Variants in B4GALT1 observed in about 807,000 individuals in gnomAD.
B4GALT1 encodes the protein beta-1,4-galactosyltransferase 1.
B4GALT1 carries 16 observed loss-of-function variants against 34.9 expected under a neutral mutation model. That is an observed-to-expected ratio of 0.46 (90% CI 0.31 to 0.70). The LOEUF is 0.70. Among genes scored for constraint, B4GALT1 ranks in the 30% least tolerant of loss-of-function variants. B4GALT1 has a pLI of 0.05. For missense variants in B4GALT1, 445 were observed against 530.5 expected, an observed-to-expected ratio of 0.84 and a Z score of 1.58; for synonymous variants, 221 against 218.1, an observed-to-expected ratio of 1.01 and a Z score of -0.12.
chr9:33,119,782 A>G (rs1432671435), intron 3 of B4GALT1, among the ~76,000 whole-genome samples: 1 of 152,114 alleles, frequency 6.6e-6, no homozygotes, highest in African/African-American at 2.4e-5. Flanking sequence ...TCAGTGGGGG[A>G]AAACTATTCC....
At chr9:33,107,337 A>C (rs772410220), downstream of B4GALT1, among the ~76,000 whole-genome samples, 50 of 152,172 alleles carry the variant, frequency 3.3e-4, no homozygotes, top group Non-Finnish European at 2.4e-4. Context: ...ACCTCCTGGA[A>C]GAAACAAGAG....
chr9:33,171,184 G>A (rs538324616), upstream of B4GALT1, among the ~76,000 whole-genome samples: 4 of 152,244 alleles, frequency 2.6e-5, no homozygotes, highest in South Asian at 2.1e-4. Context: ...ACAATTTCTC[G>A]CAGTTTTGCA....
At chr9:33,145,542 G>A (rs1432528616) in intron 1 of B4GALT1, among the ~76,000 whole-genome samples, 1 of 152,130 alleles carries the variant, frequency 6.6e-6, no homozygotes, top group East Asian at 1.9e-4. Flanking sequence ...GATCCACCTC[G>A]AATCAGACCC....
intron 2 of B4GALT1, among the ~76,000 whole-genome samples, chr9:33,131,446 G>A (rs1037646243): frequency 6.6e-6 from 1 of 152,168 alleles, no homozygotes; most frequent in African/African-American, 2.4e-5. Context: ...TGCTGTAAGC[G>A]GAAGGTTGTG....
intron 1 of B4GALT1, among the ~76,000 whole-genome samples, chr9:33,138,079 G>A (rs186929959): frequency 3.3e-5 from 5 of 152,342 alleles, no homozygotes; most frequent in East Asian, 1.9e-4. Flanking sequence ...CGACTTGCTC[G>A]TACCTTCTGA....
At chr9:33,160,197 C>A (rs1840654275) in intron 1 of B4GALT1, among the ~76,000 whole-genome samples, 1 of 152,162 alleles carries the variant, frequency 6.6e-6, no homozygotes, top group African/African-American at 2.4e-5. Context: ...TTAGAAAGCT[C>A]TCCTACAGAA....
chr9:33,172,198 GGTCTCCCTGGGCTGGCTCAA>G (rs1181010009), upstream of B4GALT1, among the ~76,000 whole-genome samples: 3 of 152,184 alleles, frequency 2.0e-5, no homozygotes, highest in Middle Eastern at 3.4e-3. Flanking sequence ...GGTGACTTTA[GGTCTCCCTGGGCTGGCTCAA>G]GTCTCCCTGG....
At chr9:33,152,316 T>C (rs549078663) in intron 1 of B4GALT1, among the ~76,000 whole-genome samples, 1 of 96,318 alleles carries the variant, frequency 1.0e-5, no homozygotes, top group Non-Finnish European at 2.1e-5. Flanking sequence ...AAAAATAACA[T>C]AACATAACAT....
chr9:33,177,986 C>CTT, the B4GALT1 span, among the ~76,000 whole-genome samples: 36,437 of 107,288 alleles, frequency 0.34, 7,089 homozygotes, highest in East Asian at 0.54. Context: ...AAACAGAAGA[C>CTT]TTTTTTTTTT....
chr9:33,157,080 A>G (rs1365139510), intron 1 of B4GALT1, among the ~76,000 whole-genome samples: 2 of 142,032 alleles, frequency 1.4e-5, no homozygotes, highest in Non-Finnish European at 3.0e-5. Context: ...ACACACACAC[A>G]CACACACACA....
chr9:33,128,402 CAG>C (rs1264033123), intron 2 of B4GALT1, among the ~76,000 whole-genome samples: 1 of 152,146 alleles, frequency 6.6e-6, no homozygotes, highest in Non-Finnish European at 1.5e-5. Flanking sequence ...TTCCTTGTCA[CAG>C]AGTCATGGGT....
In B4GALT1 at chr9:33,142,621, TTTC is replaced by T. The variant is rs777161116; in HGVS notation, c.413-7200_413-7198del. On this transcript the variant is annotated intron_variant, in intron 1 of 5. Coordinates refer to ENST00000379731, the MANE Select transcript of B4GALT1 (RefSeq NM_001497.4). The stretch of plus-strand genomic sequence containing the variant: ...TCTTTCCCTAGGACCTCTTTTTCTT[TTTC>T]TTTTTTTTAAGAGACAGTTTCTCGC... Among the ~76,000 whole-genome samples the T allele has an allele frequency of 2.0e-5, 3 of 152,162 alleles. No individual in the cohort carries two copies. The South Asian group carries it at 6.2e-4, about 32-fold the overall frequency.
At chr9:33,141,112 T>C (rs1301259482) in intron 1 of B4GALT1, among the ~76,000 whole-genome samples, 1 of 152,198 alleles carries the variant, frequency 6.6e-6, no homozygotes, top group Non-Finnish European at 1.5e-5. Context: ...CATCCATTCA[T>C]ATTCAAACAT....
chr9:33,145,876 G>C (rs891503413), intron 1 of B4GALT1, among the ~76,000 whole-genome samples: 1 of 152,188 alleles, frequency 6.6e-6, no homozygotes, highest in Non-Finnish European at 1.5e-5. Flanking sequence ...GCATAAAAGT[G>C]AATCTTATTT....
intron 3 of B4GALT1, among the ~76,000 whole-genome samples, chr9:33,119,002 C>G (rs1464084331): frequency 6.6e-6 from 1 of 152,132 alleles, no homozygotes; most frequent in African/African-American, 2.4e-5. Flanking sequence ...GCTGGGATTA[C>G]AGGCACCTGC....
intron 3 of B4GALT1, among the ~76,000 whole-genome samples, chr9:33,117,769 A>G (rs1157008192): frequency 6.6e-6 from 1 of 152,252 alleles, no homozygotes; most frequent in Non-Finnish European, 1.5e-5. Context: ...GTCATCACTT[A>G]GGTGCTGAGT....
the B4GALT1 span, chr9:33,179,697 C>G: frequency 6.6e-6 from 1 of 152,196 alleles, no homozygotes; most frequent in Non-Finnish European, 1.5e-5. Flanking sequence ...GACCAACCTT[C>G]TATTTTTAAA....
intron 1 of B4GALT1, among the ~76,000 whole-genome samples, chr9:33,157,023 T>C (rs1423455315): frequency 6.8e-6 from 1 of 146,988 alleles, no homozygotes; most frequent in Non-Finnish European, 1.5e-5. Flanking sequence ...AGGAAAACCC[T>C]AATGTCCAGA....
intron 1 of B4GALT1, among the ~76,000 whole-genome samples, chr9:33,152,417 GGA>G (rs1840533505): frequency 6.6e-6 from 1 of 151,588 alleles, no homozygotes; most frequent in Non-Finnish European, 1.5e-5. Context: ...AGTGACAGAT[GGA>G]GAGACCATAT....
Sources: gnomAD v4.1 joint callset for allele counts (sites outside exome capture counted in the v4.1 genomes callset) on GRCh38, gnomAD v4.1.1 for gene constraint, MANE v1.5 for transcripts, NCBI Gene and HGNC (gene_info 2026-07-23, HGNC 2026-07-21) for gene names.